Variants in FRMD4A observed in about 807,000 individuals in gnomAD.
FRMD4A encodes FERM domain-containing protein 4A.
Under a neutral mutation model 129.1 loss-of-function variants are expected in FRMD4A, and 29 were observed. The ratio of observed to expected loss-of-function variants is 0.22; its 90% confidence interval spans 0.17 to 0.31. The LOEUF is 0.31. Ranked by LOEUF, FRMD4A falls within the 10% of genes least tolerant of loss-of-function variation. FRMD4A has a pLI of 1.00. For synonymous variants in FRMD4A, 634 were observed against 571.6 expected (o/e 1.11, Z -1.56); for missense variants, 1,272 against 1,375.8 (o/e 0.92, Z 1.19).
intron 3 of FRMD4A, among the ~76,000 whole-genome samples, chr10:13,838,386 G>A (rs1198329652): frequency 1.3e-5 from 2 of 150,466 alleles, no homozygotes; most frequent in African/African-American, 4.9e-5. Flanking sequence ...GAACTACCAC[G>A]CCCAGCCACA....
At chr10:14,036,745 G>A (rs1477518333) in intron 2 of FRMD4A, among the ~76,000 whole-genome samples, 3 of 152,006 alleles carry the variant, frequency 2.0e-5, no homozygotes, top group African/African-American at 4.8e-5. Context: ...CATTATACTC[G>A]TCTAATTTTT....
chr10:14,137,413 G>A (rs1205332119), intron 2 of FRMD4A, among the ~76,000 whole-genome samples: 1 of 152,180 alleles, frequency 6.6e-6, no homozygotes, highest in African/African-American at 2.4e-5. Flanking sequence ...TTGACTGAAA[G>A]AAAGCTTTGA....
At chr10:14,265,425 C>T (rs887956410) in intron 2 of FRMD4A, among the ~76,000 whole-genome samples, 35 of 152,092 alleles carry the variant, frequency 2.3e-4, no homozygotes, top group African/African-American at 7.2e-4. Flanking sequence ...CATAAAGATC[C>T]AAGGCTGACA....
intron 2 of FRMD4A, among the ~76,000 whole-genome samples, chr10:13,902,621 C>A (rs2094834143): frequency 1.3e-5 from 2 of 151,980 alleles, no homozygotes; most frequent in African/African-American, 4.8e-5. Context: ...AGGTGGATCA[C>A]TTGAGGTCAG....
intron 2 of FRMD4A, among the ~76,000 whole-genome samples, chr10:14,322,030 C>A (rs1843077843): frequency 6.6e-6 from 1 of 152,162 alleles, no homozygotes; most frequent in Admixed American, 6.5e-5. Context: ...TGTAAGTTTC[C>A]TGAGGCTTCT....
At chr10:13,906,198 C>T (rs1281805009) in intron 2 of FRMD4A, among the ~76,000 whole-genome samples, 1 of 152,224 alleles carries the variant, frequency 6.6e-6, no homozygotes, top group Non-Finnish European at 1.5e-5. Context: ...GATTCTGCTC[C>T]TTCTCCCTGT....
intron 4 of FRMD4A, among the ~76,000 whole-genome samples, chr10:13,810,592 C>T (rs1291877466): frequency 6.6e-6 from 1 of 152,114 alleles, no homozygotes; most frequent in African/African-American, 2.4e-5. Context: ...AACTAGTTTA[C>T]CTAATAATTT....
At chr10:13,656,202 G>C (rs756695575) in intron 22 of FRMD4A, among the ~76,000 whole-genome samples, 4 of 152,206 alleles carry the variant, frequency 2.6e-5, no homozygotes, top group Non-Finnish European at 4.4e-5. Flanking sequence ...CAAATCTCTA[G>C]GCTTGACCCA....
intron 3 of FRMD4A, among the ~76,000 whole-genome samples, chr10:13,844,535 A>G (rs1386537756): frequency 1.3e-5 from 2 of 152,186 alleles, no homozygotes; most frequent in Non-Finnish European, 2.9e-5. Context: ...CATCCGGCCC[A>G]CTTTATTGTA....
intron 6 of FRMD4A, among the ~76,000 whole-genome samples, chr10:13,777,468 G>A (rs1427211015): frequency 6.6e-5 from 10 of 152,174 alleles, no homozygotes; most frequent in Admixed American, 6.5e-4. Flanking sequence ...TTGGTCATTT[G>A]TGGTCATTTA....
chr10:14,155,946 C>A (rs1031661147), intron 2 of FRMD4A, among the ~76,000 whole-genome samples: 1 of 152,106 alleles, frequency 6.6e-6, no homozygotes, highest in Non-Finnish European at 1.5e-5. Flanking sequence ...AGAAATAGAA[C>A]ATATTTTAAT....
chr10:13,886,938 G>A (rs1413695144), intron 2 of FRMD4A, among the ~76,000 whole-genome samples: 1 of 152,194 alleles, frequency 6.6e-6, no homozygotes, highest in African/African-American at 2.4e-5. Flanking sequence ...GAAGGCAGGA[G>A]CAAAAAGGAA....
chr10:13,688,004 A>C (rs10796113), intron 15 of FRMD4A, among the ~76,000 whole-genome samples: 1 of 151,992 alleles, frequency 6.6e-6, no homozygotes, highest in Non-Finnish European at 1.5e-5. Context: ...TATCACTACT[A>C]CGGGATTCAG....
In FRMD4A at chr10:14,167,538, CAAA is replaced by C. The variant is rs59290414; in HGVS notation, c.45+162517_45+162519del. On this transcript the variant is annotated intron_variant, in intron 2 of 24. Coordinates refer to ENST00000357447, the MANE Select transcript of FRMD4A (RefSeq NM_018027.5). ...GGTGACAGAGCAAGACTCCGTCTCT[CAAA>C]AAAAAAAAAAAAAAAAAAAAAAGGA... Among the ~76,000 whole-genome samples, 14 of 57,576 alleles carry C rather than the reference CAAA, an allele frequency of 2.4e-4. No individual in the cohort carries two copies. The South Asian group carries it at 0.011, about 44-fold the overall frequency. The allele number at this position is 57,576 out of a possible 152,430, so 37.8% of individuals were successfully genotyped here.
At chr10:13,686,387 C>T (rs1472270627) in intron 15 of FRMD4A, among the ~76,000 whole-genome samples, 1 of 152,210 alleles carries the variant, frequency 6.6e-6, no homozygotes, top group African/African-American at 2.4e-5. Flanking sequence ...CTATCAGCTC[C>T]CCTCTCTGTT....
intron 2 of FRMD4A, among the ~76,000 whole-genome samples, chr10:13,924,742 G>A (rs2095110775): frequency 6.6e-6 from 1 of 151,910 alleles, no homozygotes; most frequent in South Asian, 2.1e-4. Flanking sequence ...TTTATTCTCG[G>A]CGTTATCCCT....
intron 2 of FRMD4A, among the ~76,000 whole-genome samples, chr10:14,216,801 A>T (rs1002510087): frequency 1.3e-5 from 2 of 152,120 alleles, no homozygotes; most frequent in African/African-American, 4.8e-5. Context: ...ATAAGTGTCT[A>T]TCATATGCCT....
intron 2 of FRMD4A, among the ~76,000 whole-genome samples, chr10:13,921,262 C>T (rs61834353): frequency 2.3e-3 from 11 of 4,734 alleles, no homozygotes; most frequent in South Asian, 0.019. Flanking sequence ...CTCTCTCTCT[C>T]TCTTTCTCTC....
chr10:13,796,916 C>T (rs997593163), intron 4 of FRMD4A, among the ~76,000 whole-genome samples: 1 of 152,100 alleles, frequency 6.6e-6, no homozygotes, highest in Non-Finnish European at 1.5e-5. Context: ...GACGGGGTTT[C>T]ACCATGTTGG....
Sources: allele counts gnomAD v4.1 joint callset (sites outside exome capture counted in the v4.1 genomes callset), GRCh38; gene constraint gnomAD v4.1.1; transcripts MANE v1.5; gene names NCBI Gene and HGNC (gene_info 2026-07-23, HGNC 2026-07-21).